The following PTPRC variants were observed in gnomAD, a reference collection of about 807,000 sequenced individuals.
PTPRC encodes receptor-type tyrosine-protein phosphatase C.
Under a neutral mutation model 155.9 loss-of-function variants are expected in PTPRC, and 44 were observed. That is an observed-to-expected ratio of 0.28 (90% CI 0.22 to 0.36). The LOEUF (loss-of-function observed/expected upper bound fraction) is 0.36, where lower values mean the gene tolerates loss of function less well. Among genes scored for constraint, PTPRC ranks in the 10% least tolerant of loss-of-function variants. The pLI, the probability that PTPRC is intolerant of heterozygous loss-of-function variation, is 1.00. For synonymous variants in PTPRC, 525 were observed against 533.1 expected (o/e 0.98, Z 0.21); for missense variants, 1,401 against 1,564.6 (o/e 0.90, Z 1.76).
intron 2 of PTPRC, among the ~76,000 whole-genome samples, chr1:198,658,939 C>CGG (rs1663768398): frequency 6.6e-6 from 1 of 152,134 alleles, no homozygotes. Context: ...TGATACGGTA[C>CGG]TACCCTACAG....
intron 14 of PTPRC, among the ~76,000 whole-genome samples, chr1:198,719,815 TGGC>T: frequency 6.6e-6 from 1 of 152,146 alleles, no homozygotes; most frequent in East Asian, 1.9e-4. Flanking sequence ...TTCACCATGT[TGGC>T]CAGGCTGGTC....
intron 5 of PTPRC, chr1:198,700,184 A>G (rs1242042669): frequency 5.7e-6 from 1 of 174,450 alleles, no homozygotes; most frequent in African/African-American, 2.4e-5. Context: ...CCATTCAAAC[A>G]TTAAGAATCT....
At chr1:198,724,699 TC>T (rs1654047267) in intron 15 of PTPRC, among the ~76,000 whole-genome samples, 1 of 152,076 alleles carries the variant, frequency 6.6e-6, no homozygotes, top group African/African-American at 2.4e-5. Context: ...TCTCTCTCTC[TC>T]TCTTTTTTTG....
In PTPRC at chr1:198,735,270, A is replaced by G. The variant is rs1180293875; in HGVS notation, c.2403+18A>G. On this transcript the variant is annotated intron_variant, in intron 23 of 32. Coordinates refer to ENST00000442510, the MANE Select transcript of PTPRC (RefSeq NM_002838.5). Reference sequence around the variant, plus strand: ...TTGTAAATGTGAGTTTGCTTTTTACATAATTTTTGTTTTGATACTTTTTTA... The same window carrying G: ...TTGTAAATGTGAGTTTGCTTTTTACGTAATTTTTGTTTTGATACTTTTTTA... 1 of 1,583,850 alleles carries G rather than the reference A, an allele frequency of 6.3e-7. No individual in the cohort carries two copies. The highest frequency in any genetic ancestry group is 8.6e-7 in the Non-Finnish European group (1 of 1,160,478).
chr1:198,717,365 C>T (rs1051865302), intron 13 of PTPRC, among the ~76,000 whole-genome samples: 1 of 152,066 alleles, frequency 6.6e-6, no homozygotes, highest in African/African-American at 2.4e-5. Context: ...TGGCTCTTGC[C>T]ACTAGTATAA....
intron 5 of PTPRC, among the ~76,000 whole-genome samples, chr1:198,701,585 G>A (rs566739041): frequency 1.9e-4 from 29 of 152,258 alleles, no homozygotes; most frequent in Admixed American, 3.9e-4. Context: ...GTTGGGCAAA[G>A]GTGTAAAATA....
chr1:198,728,428 T>A lies in PTPRC; in HGVS notation c.1809T>A (p.Asp603Glu). ...ALLVVLYKIY[D>E]LHKKRSCNLD... ...TTGTTGTTCTCTACAAAATCTATGATCTACATAAGAAAAGATCCTGGTAAG... is the reference window on the plus strand; with the variant it reads ...TTGTTGTTCTCTACAAAATCTATGAACTACATAAGAAAAGATCCTGGTAAG... Residue 603 changes from aspartate to glutamate, a missense_variant, in exon 16 of 33, where the codon GAT becomes GAA. Physicochemically the swap from Asp to Glu is conservative, Grantham distance 45. Transcript: ENST00000442510. The A allele has an allele frequency of 6.2e-7, 1 of 1,612,638 alleles. No individual in the cohort carries two copies. Among genetic ancestry groups the A allele is most frequent in the Non-Finnish European group, 8.5e-7 (1 of 1,179,312 alleles).
At chr1:198,640,422 T>C (rs1662513242) in intron 2 of PTPRC, among the ~76,000 whole-genome samples, 1 of 151,992 alleles carries the variant, frequency 6.6e-6, no homozygotes, top group African/African-American at 2.4e-5. Flanking sequence ...TTGAGCATGT[T>C]ACATTGACAA....
intron 2 of PTPRC, chr1:198,660,648 G>T (rs756056685): frequency 5.3e-5 from 8 of 152,010 alleles, no homozygotes; most frequent in Non-Finnish European, 1.2e-4. Context: ...TTAACTATTA[G>T]TTTCTGGAAT....
chr1:198,674,418 A>C (rs1427220211), intron 2 of PTPRC, among the ~76,000 whole-genome samples: 1 of 151,704 alleles, frequency 6.6e-6, no homozygotes, highest in Non-Finnish European at 1.5e-5. Context: ...CAATTTTACA[A>C]TTTTACAATG....
intron 2 of PTPRC, among the ~76,000 whole-genome samples, chr1:198,641,393 A>G (rs1662573509): frequency 6.6e-6 from 1 of 152,072 alleles, no homozygotes; most frequent in Admixed American, 6.6e-5. Flanking sequence ...GAAATAATAA[A>G]CTTTTGGGGA....
At chr1:198,712,700 A>G (rs1653373194) in intron 11 of PTPRC, 2 of 477,948 alleles carry the variant, frequency 4.2e-6, no homozygotes. Flanking sequence ...TATGAAAGGA[A>G]GAGGGGGTTC....
chr1:198,732,343 G>A lies in PTPRC; in HGVS notation c.2018G>A (p.Arg673Gln), dbSNP rs748511747. The A allele has an allele frequency of 1.9e-6, 3 of 1,612,550 alleles. No individual in the cohort carries two copies. The highest frequency in any genetic ancestry group is 2.5e-6 in the Non-Finnish European group (3 of 1,179,086). The change falls in exon 19 of 33, where the codon CGA (arginine) becomes CAA (glutamine). Residue 673 changes from arginine to glutamine, a missense_variant. Arg to Gln is a conservative substitution (Grantham distance 43). This residue lies in a region of PTPRC where 867 missense variants were observed against 970.4 expected (regional missense o/e 0.89). Coordinates refer to ENST00000442510, the MANE Select transcript of PTPRC (RefSeq NM_002838.5). Reference sequence around the variant, plus strand: ...AGCAAGTTTCCTATAAAGGAAGCTCGAAAGCCCTTTAACCAGAATAAAAAC... The same window carrying A: ...AGCAAGTTTCCTATAAAGGAAGCTCAAAAGCCCTTTAACCAGAATAAAAAC... ...VFSKFPIKEA[R>Q]KPFNQNKNRY...
chr1:198,715,838 C>T (rs1259116726), intron 12 of PTPRC, among the ~76,000 whole-genome samples: 3 of 152,110 alleles, frequency 2.0e-5, no homozygotes, highest in African/African-American at 4.8e-5. Context: ...ATTATTATTA[C>T]TGTTGCTGCT....
intron 2 of PTPRC, among the ~76,000 whole-genome samples, chr1:198,644,949 T>C (rs924940551): frequency 6.6e-6 from 1 of 151,830 alleles, no homozygotes; most frequent in Non-Finnish European, 1.5e-5. Context: ...TACAGGGTAT[T>C]TATTATAAAA....
At chr1:198,644,499 A>G (rs1183048613) in intron 2 of PTPRC, among the ~76,000 whole-genome samples, 1 of 151,910 alleles carries the variant, frequency 6.6e-6, no homozygotes, top group Non-Finnish European at 1.5e-5. Flanking sequence ...ATTATTGTCT[A>G]AAATATTTAA....
At chr1:198,638,840 G>A (rs546766373), upstream of PTPRC, 1 of 162,212 alleles carries the variant, frequency 6.2e-6, no homozygotes, top group South Asian at 1.5e-4. Context: ...AAATGGTAAT[G>A]GATACTGTAA....
intron 14 of PTPRC, among the ~76,000 whole-genome samples, chr1:198,719,362 C>A (rs1653766538): frequency 6.6e-6 from 1 of 151,958 alleles, no homozygotes. Flanking sequence ...CGGAGAAATG[C>A]CTTGAATATT....
At chr1:198,754,488 C>T (rs1181425534) in intron 32 of PTPRC, 84 bp downstream of exon 32, 14 of 1,487,836 alleles carry the variant, frequency 9.4e-6, no homozygotes, top group Non-Finnish European at 1.3e-5. Context: ...TTCTCCTCTC[C>T]TTTCCTCTCG....
Sources: allele counts gnomAD v4.1 joint callset (sites outside exome capture counted in the v4.1 genomes callset), GRCh38; gene constraint gnomAD v4.1.1; regional missense constraint gnomAD v4.1.1; transcripts MANE v1.5; gene names NCBI Gene and HGNC (gene_info 2026-07-23, HGNC 2026-07-21).